Variants in AUH observed in about 807,000 individuals in gnomAD.
The protein encoded by AUH is methylglutaconyl-CoA hydratase, mitochondrial.
AUH carries 29 observed loss-of-function variants against 42.3 expected under a neutral mutation model. The observed-to-expected ratio is 0.69, with a 90% CI of 0.51 to 0.93. The LOEUF is 0.93. Ranked by LOEUF, AUH falls within the 40% of genes least tolerant of loss-of-function variation. The probability of loss-of-function intolerance (pLI) is 0.00; values close to 1 mark genes in which losing one functional copy is unlikely to be tolerated. For missense variants in AUH, 452 were observed against 438.1 expected (o/e 1.03, Z -0.28); for synonymous variants, 174 against 166.4 (o/e 1.05, Z -0.35).
intron 3 of AUH, among the ~76,000 whole-genome samples, chr9:91,336,946 A>T (rs1445142009): frequency 2.0e-5 from 3 of 152,242 alleles, no homozygotes; most frequent in Admixed American, 1.3e-4. Context: ...CAGAATGATC[A>T]AGCCAATGAC....
intron 6 of AUH, among the ~76,000 whole-genome samples, chr9:91,230,301 A>G (rs1827792637): frequency 6.6e-6 from 1 of 151,738 alleles, no homozygotes. Flanking sequence ...CATTTCATTC[A>G]TTTCATCTTC....
chr9:91,317,374 T>G (rs1213519203), intron 4 of AUH, among the ~76,000 whole-genome samples: 1 of 152,196 alleles, frequency 6.6e-6, no homozygotes, highest in Non-Finnish European at 1.5e-5. Context: ...CATGTTACAA[T>G]AAAGTTTTAT....
At chr9:91,356,179 C>G in intron 1 of AUH, 24 bp from the exon 2 acceptor site, 1 of 1,603,112 alleles carries the variant, frequency 6.2e-7, no homozygotes, top group African/African-American at 1.3e-5. Flanking sequence ...AAAAAAAGTA[C>G]AAGCACTTGA....
chr9:91,290,273 C>T (rs2131613421), intron 6 of AUH, among the ~76,000 whole-genome samples: 1 of 152,150 alleles, frequency 6.6e-6, no homozygotes, highest in East Asian at 1.9e-4. Flanking sequence ...GAAAATTAGC[C>T]GAGTGCAGTG....
chr9:91,345,440 T>TA (rs1270366250), intron 3 of AUH, among the ~76,000 whole-genome samples: 3 of 152,152 alleles, frequency 2.0e-5, no homozygotes, highest in Admixed American at 1.3e-4. Context: ...AAATGCCACT[T>TA]ACAGTAACAT....
At chr9:91,237,159 G>A in intron 6 of AUH, among the ~76,000 whole-genome samples, 1 of 152,190 alleles carries the variant, frequency 6.6e-6, no homozygotes, top group South Asian at 2.1e-4. Context: ...ATAGGTAAAA[G>A]ATGAATGCCA....
rs116004127 is a variant in AUH, at chr9:91,221,281, C to A, written c.656-289G>T. On this transcript the variant is annotated intron_variant, in intron 6 of 9. Coordinates refer to ENST00000375731, the MANE Select transcript of AUH (RefSeq NM_001698.3). ...CTGAGTCCAATCCACAGTCATCACC[C>A]CATCAGTAACCATCAGGTGAACAGC... Among the ~76,000 whole-genome samples, 489 of 152,276 alleles carry A rather than the reference C, an allele frequency of 3.2e-3. 2 individuals carry two copies. Among genetic ancestry groups the A allele is most frequent in the African/African-American group, 0.011 (439 of 41,548 alleles).
At chr9:91,240,436 T>A (rs1210703303) in intron 6 of AUH, among the ~76,000 whole-genome samples, 1 of 152,108 alleles carries the variant, frequency 6.6e-6, no homozygotes, top group Non-Finnish European at 1.5e-5. Flanking sequence ...ACCAATCAAC[T>A]CTCTCTCCTT....
At chr9:91,275,028 A>T (rs1825433208) in intron 6 of AUH, among the ~76,000 whole-genome samples, 1 of 152,238 alleles carries the variant, frequency 6.6e-6, no homozygotes, top group Admixed American at 6.5e-5. Context: ...ACATCCATTA[A>T]CACTAAAACA....
intron 6 of AUH, among the ~76,000 whole-genome samples, chr9:91,274,255 T>C (rs1825375389): frequency 6.6e-6 from 1 of 152,196 alleles, no homozygotes; most frequent in South Asian, 2.1e-4. Context: ...TTAACAAATA[T>C]TTACTAAGCA....
chr9:91,314,300 T>C (rs553456017), intron 4 of AUH, among the ~76,000 whole-genome samples: 1 of 149,048 alleles, frequency 6.7e-6, no homozygotes, highest in South Asian at 2.1e-4. Context: ...AGTCAAGGAG[T>C]TCGAAACCAG....
At chr9:91,216,588 C>A (rs1564002809) in intron 8 of AUH, among the ~76,000 whole-genome samples, 1 of 152,144 alleles carries the variant, frequency 6.6e-6, no homozygotes, top group African/African-American at 2.4e-5. Flanking sequence ...TACTGTTATA[C>A]AGTATTGACT....
chr9:91,313,971 G>A (rs1243151769), intron 4 of AUH, among the ~76,000 whole-genome samples: 1 of 151,642 alleles, frequency 6.6e-6, no homozygotes, highest in African/African-American at 2.4e-5. Context: ...TTACAGGCAC[G>A]TGCCACCACG....
chr9:91,350,667 G>A (rs1205020129), intron 3 of AUH, among the ~76,000 whole-genome samples: 1 of 151,732 alleles, frequency 6.6e-6, no homozygotes. Flanking sequence ...GCTGAGGCAG[G>A]AGAATCACCT....
intron 4 of AUH, among the ~76,000 whole-genome samples, chr9:91,306,127 A>G (rs1190496710): frequency 1.3e-5 from 2 of 152,176 alleles, no homozygotes; most frequent in African/African-American, 4.8e-5. Context: ...TTTTCTCTGG[A>G]AACCCCCAAA....
chr9:91,289,652 T>C (rs1183571199), intron 6 of AUH, among the ~76,000 whole-genome samples: 1 of 152,218 alleles, frequency 6.6e-6, no homozygotes, highest in Non-Finnish European at 1.5e-5. Flanking sequence ...AGAGATCACT[T>C]TAGGCATGGC....
At chr9:91,269,666 C>T (rs1356725684) in intron 6 of AUH, among the ~76,000 whole-genome samples, 2 of 152,016 alleles carry the variant, frequency 1.3e-5, no homozygotes, top group African/African-American at 4.8e-5. Context: ...TTTAAAATTA[C>T]GAGAAGGAAA....
chr9:91,288,691 T>A (rs1199504454), intron 6 of AUH, among the ~76,000 whole-genome samples: 1 of 152,164 alleles, frequency 6.6e-6, no homozygotes, highest in Non-Finnish European at 1.5e-5. Context: ...AACTACTACT[T>A]AAGGAGGTTC....
chr9:91,325,430 T>A (rs2131861412), intron 3 of AUH, 26 bp from the exon 4 acceptor site: 1 of 1,595,580 alleles, frequency 6.3e-7, no homozygotes, highest in East Asian at 2.2e-5. Context: ...TTTACAAATA[T>A]AATCTAGTTG....
Sources: gnomAD v4.1 joint callset for allele counts (sites outside exome capture counted in the v4.1 genomes callset) on GRCh38, gnomAD v4.1.1 for gene constraint, MANE v1.5 for transcripts, NCBI Gene and HGNC (gene_info 2026-07-23, HGNC 2026-07-21) for gene names.